Variants in IKZF3 observed in about 807,000 individuals in gnomAD.
IKZF3 encodes IKAROS family zinc finger 3, also known as zinc finger protein Aiolos.
A neutral mutation model predicts 49.0 loss-of-function variants in IKZF3; 10 were observed. The observed-to-expected ratio is 0.20, with a 90% CI of 0.13 to 0.35. The LOEUF (loss-of-function observed/expected upper bound fraction) is 0.35, where lower values mean the gene tolerates loss of function less well. IKZF3 is among the 10% of genes least tolerant of loss of function. The pLI, the probability that IKZF3 is intolerant of heterozygous loss-of-function variation, is 1.00. For synonymous variants in IKZF3, 209 were observed against 228.2 expected (o/e 0.92, Z 0.76); for missense variants, 498 against 664.8 (o/e 0.75, Z 2.76).
rs2143530015 is a variant in IKZF3, at chr17:39,763,632, A to G, written c.*2158T>C. ...ACATTCACAACTCAGTGGTTAAAGG[A>G]AAAACTTAACACACCATTTTCATAC... On this transcript the variant is annotated 3_prime_UTR_variant, in exon 8 of 8. Coordinates refer to ENST00000346872, the MANE Select transcript of IKZF3 (RefSeq NM_012481.5). 1 of 152,334 alleles carries G rather than the reference A, an allele frequency of 6.6e-6. No individual in the cohort carries two copies. The highest frequency in any genetic ancestry group is 6.5e-5 in the Admixed American group (1 of 15,302). The allele number at this position is 152,334 out of a possible 1,614,324, so 9.4% of individuals were successfully genotyped here.
At chr17:39,813,104 AAAATAAATAAAT>A (rs142647769) in intron 3 of IKZF3, among the ~76,000 whole-genome samples, 1 of 143,272 alleles carries the variant, frequency 7.0e-6, no homozygotes, top group African/African-American at 2.6e-5. Flanking sequence ...TCCATCTCAA[AAAATAAATAAAT>A]AAATAAATAA....
chr17:39,787,055 A>G (rs1598005472), intron 6 of IKZF3, among the ~76,000 whole-genome samples: 1 of 152,304 alleles, frequency 6.6e-6, no homozygotes, highest in East Asian at 1.9e-4. Flanking sequence ...TCTTTTTGTA[A>G]CTTTTCTGTT....
At chr17:39,858,198 T>C (rs1175531690) in intron 1 of IKZF3, among the ~76,000 whole-genome samples, 1 of 152,108 alleles carries the variant, frequency 6.6e-6, no homozygotes, top group Non-Finnish European at 1.5e-5. Context: ...GTGGCTCACA[T>C]CTGTAATCCT....
At chr17:39,818,814 C>T (rs1026089046) in intron 3 of IKZF3, among the ~76,000 whole-genome samples, 3 of 152,154 alleles carry the variant, frequency 2.0e-5, no homozygotes, top group Non-Finnish European at 4.4e-5. Context: ...GCTGAGCTCG[C>T]ACCACCGCAC....
At chr17:39,767,372 A>G (rs561388610) in intron 7 of IKZF3, among the ~76,000 whole-genome samples, 4 of 152,252 alleles carry the variant, frequency 2.6e-5, no homozygotes, top group African/African-American at 9.6e-5. Context: ...TAGAAAACAG[A>G]GGCTCTCTGG....
At chr17:39,801,066 A>T (rs2061304500) in intron 3 of IKZF3, among the ~76,000 whole-genome samples, 1 of 152,172 alleles carries the variant, frequency 6.6e-6, no homozygotes, top group South Asian at 2.1e-4. Flanking sequence ...CAACTCTACG[A>T]AGGACAAAGT....
At chr17:39,818,271 A>G (rs1450061173) in intron 3 of IKZF3, among the ~76,000 whole-genome samples, 2 of 152,242 alleles carry the variant, frequency 1.3e-5, no homozygotes, top group Non-Finnish European at 2.9e-5. Flanking sequence ...ACTGAATACT[A>G]CGTTTTTTCC....
Position 39,778,096 on chromosome 17 carries a change from T to C in IKZF3, c.710-329A>G, listed in dbSNP as rs138576332. 8.2e-3 allele frequency: 8,290 copies of C among 1,014,628 alleles called. 24 individuals are homozygous for C. Among genetic ancestry groups the C allele is most frequent in the Non-Finnish European group, 9.1e-3 (7,769 of 849,394 alleles). 62.9% of individuals were successfully genotyped at this position (1,014,628 alleles called of 1,614,324 possible). ...AGATAGATGGAGATCTAACCCCCGATCAGCCTTCTTTCTGATTCTGAGTAA... is the reference window on the plus strand; with the variant it reads ...AGATAGATGGAGATCTAACCCCCGACCAGCCTTCTTTCTGATTCTGAGTAA... On this transcript the variant is annotated intron_variant, in intron 6 of 7. Coordinates refer to ENST00000346872, the MANE Select transcript of IKZF3 (RefSeq NM_012481.5).
chr17:39,862,184 T>C (rs1200660464), intron 1 of IKZF3, among the ~76,000 whole-genome samples: 2 of 152,200 alleles, frequency 1.3e-5, no homozygotes, highest in East Asian at 3.8e-4. Flanking sequence ...AAGATTTCTA[T>C]TTCAAAAGCT....
chr17:39,862,014 C>A (rs1389049714), intron 1 of IKZF3, among the ~76,000 whole-genome samples: 2 of 152,122 alleles, frequency 1.3e-5, no homozygotes, highest in Non-Finnish European at 2.9e-5. Context: ...CACCTCATTT[C>A]CCGACCATAA....
At chr17:39,850,144 TTA>T (rs2062763304) in intron 1 of IKZF3, among the ~76,000 whole-genome samples, 1 of 142,748 alleles carries the variant, frequency 7.0e-6, no homozygotes, top group East Asian at 2.0e-4. Flanking sequence ...ATATAGCATA[TTA>T]TATATGTATA....
chr17:39,768,920 T>C (rs2060365428), intron 7 of IKZF3, among the ~76,000 whole-genome samples: 1 of 152,206 alleles, frequency 6.6e-6, no homozygotes, highest in Admixed American at 6.5e-5. Context: ...CTGTGAGTAC[T>C]TGGAGACTAA....
intron 7 of IKZF3, among the ~76,000 whole-genome samples, chr17:39,768,378 A>C (rs1410760781): frequency 6.6e-6 from 1 of 152,198 alleles, no homozygotes; most frequent in East Asian, 1.9e-4. Context: ...ATGAAGGCAG[A>C]GAGGTGGGAC....
chr17:39,772,489 G>A (rs2143647668), intron 7 of IKZF3, among the ~76,000 whole-genome samples: 1 of 152,294 alleles, frequency 6.6e-6, no homozygotes, highest in African/African-American at 2.4e-5. Context: ...AAAAAGGCAG[G>A]AAAATAGAAT....
chr17:39,807,062 A>G (rs1233004206), intron 3 of IKZF3, among the ~76,000 whole-genome samples: 4 of 152,184 alleles, frequency 2.6e-5, no homozygotes, highest in Non-Finnish European at 5.9e-5. Context: ...ACCACAGTTC[A>G]GGTCAGTATC....
chr17:39,850,484 A>G (rs2062792369), intron 1 of IKZF3, among the ~76,000 whole-genome samples: 1 of 126,954 alleles, frequency 7.9e-6, no homozygotes, highest in Admixed American at 9.0e-5. Flanking sequence ...TATAATATAT[A>G]GCATATTATA....
rs533864709 is a variant in IKZF3 at position 39,817,723 on chromosome 17, T to C, written c.163+11664A>G. 2.6e-5 allele frequency among the ~76,000 whole-genome samples: 4 copies of C among 152,356 alleles called. No individual in the cohort carries two copies. The East Asian group carries it at 7.7e-4, about 29-fold the overall frequency. The stretch of plus-strand genomic sequence containing the variant: ...ATTCTATTACTTTTATAATTTAGCA[T>C]GTATAATTTATACATACTGATCATA... On this transcript the variant is annotated intron_variant, in intron 3 of 7. Coordinates refer to ENST00000346872, the MANE Select transcript of IKZF3 (RefSeq NM_012481.5).
rs1316865086 is a variant in IKZF3, at chr17:39,770,794, A to G, written c.827-4301T>C. 2.1e-5 allele frequency among the ~76,000 whole-genome samples: 3 copies of G among 146,306 alleles called. No homozygotes were observed. In the East Asian group the frequency reaches 5.9e-4, roughly 29 times the overall value. Reference sequence around the variant, plus strand: ...GCATACTGTCTCATTTTACCAGCCCATTAGGGGTTGATACTTTTTTTTTTT... The same window carrying G: ...GCATACTGTCTCATTTTACCAGCCCGTTAGGGGTTGATACTTTTTTTTTTT... On this transcript the variant is annotated intron_variant, in intron 7 of 7. Coordinates refer to ENST00000346872, the MANE Select transcript of IKZF3 (RefSeq NM_012481.5).
intron 6 of IKZF3, among the ~76,000 whole-genome samples, chr17:39,781,059 C>T (rs1383440708): frequency 6.6e-6 from 1 of 152,194 alleles, no homozygotes; most frequent in Non-Finnish European, 1.5e-5. Flanking sequence ...ACTCGACTGA[C>T]TCTGGCTGAC....
Sources: gnomAD v4.1 joint callset for allele counts (sites outside exome capture counted in the v4.1 genomes callset) on GRCh38, gnomAD v4.1.1 for gene constraint, MANE v1.5 for transcripts, NCBI Gene and HGNC (gene_info 2026-07-23, HGNC 2026-07-21) for gene names.